Variants in GRID2 observed in about 807,000 individuals in gnomAD.
The protein encoded by GRID2 is glutamate ionotropic receptor delta type subunit 2, also known as glutamate receptor ionotropic, delta-2.
In GRID2, 33 loss-of-function variants were observed where a neutral mutation model predicts 114.8. The ratio of observed to expected loss-of-function variants is 0.29; its 90% CI spans 0.22 to 0.38. The LOEUF (loss-of-function observed/expected upper bound fraction) is 0.38. Among genes scored for constraint, GRID2 ranks in the 10% least tolerant of loss-of-function variants. GRID2 has a pLI of 1.00. For missense variants in GRID2, 1,184 were observed against 1,257.7 expected (o/e 0.94, Z 0.89); for synonymous variants, 505 against 449.9 (o/e 1.12, Z -1.55).
At chr4:92,464,339 A>C (rs1179547955) in intron 1 of GRID2, among the ~76,000 whole-genome samples, 2 of 152,040 alleles carry the variant, frequency 1.3e-5, no homozygotes, top group Admixed American at 1.3e-4. Context: ...CCCCAATTCA[A>C]ATAAAGACTT....
At position 93,588,307 on chromosome 4, in the gene GRID2, G is replaced by A. The variant is rs1737748196; in HGVS notation, c.2194-37962G>A. Among the ~76,000 whole-genome samples, 2 of 151,806 alleles carry A rather than the reference G, an allele frequency of 1.3e-5. 1 individual carries two copies. The highest frequency in any genetic ancestry group is 4.2e-4 in the South Asian group (2 of 4,804). ...TTATAAAACAATCAAAATTTTTTTT[G>A]CAGTTGGAATAATAGGTTTTTTATA... On this transcript the variant is annotated intron_variant, in intron 13 of 15. Transcript: ENST00000282020.
intron 2 of GRID2, among the ~76,000 whole-genome samples, chr4:92,864,964 C>T (rs191883768): frequency 6.6e-6 from 1 of 152,192 alleles, no homozygotes; most frequent in Admixed American, 6.5e-5. Flanking sequence ...TTTTTTTGTT[C>T]TTGCTGTCTT....
chr4:92,735,724 A>T (rs1031315484), intron 2 of GRID2, among the ~76,000 whole-genome samples: 1 of 152,096 alleles, frequency 6.6e-6, no homozygotes, highest in South Asian at 2.1e-4. Flanking sequence ...TTTTATTTGC[A>T]TGAAACTCAC....
intron 2 of GRID2, among the ~76,000 whole-genome samples, chr4:92,721,082 T>A (rs1735788008): frequency 6.6e-6 from 1 of 152,126 alleles, no homozygotes; most frequent in South Asian, 2.1e-4. Context: ...ATGATTCTAC[T>A]ATATGAGACA....
chr4:93,067,968 G>C (rs1243688285), intron 2 of GRID2, among the ~76,000 whole-genome samples: 1 of 151,890 alleles, frequency 6.6e-6, no homozygotes, highest in Non-Finnish European at 1.5e-5. Flanking sequence ...ATGTTGAATA[G>C]CCTAGAATCT....
intron 2 of GRID2, among the ~76,000 whole-genome samples, chr4:93,069,087 C>CG (rs954168647): frequency 6.6e-6 from 1 of 151,770 alleles, no homozygotes; most frequent in African/African-American, 2.4e-5. Flanking sequence ...AGGACAGTAT[C>CG]GGGGGGCTGG....
At chr4:92,900,863 A>C (rs967941905) in intron 2 of GRID2, among the ~76,000 whole-genome samples, 2 of 149,054 alleles carry the variant, frequency 1.3e-5, no homozygotes, top group Non-Finnish European at 3.0e-5. Context: ...AAAAAAGATA[A>C]TGCCTTACAG....
chr4:93,001,607 C>T (rs1019272500), intron 2 of GRID2, among the ~76,000 whole-genome samples: 1 of 151,568 alleles, frequency 6.6e-6, no homozygotes, highest in Non-Finnish European at 1.5e-5. Context: ...GAAAACTATA[C>T]AAAGTATTTA....
intron 8 of GRID2, among the ~76,000 whole-genome samples, chr4:93,312,143 T>C (rs988161841): frequency 6.6e-6 from 1 of 152,110 alleles, no homozygotes; most frequent in Non-Finnish European, 1.5e-5. Context: ...ATTCTTTCAT[T>C]TACTATAATC....
At chr4:93,095,233 A>G (rs1277434059) in intron 3 of GRID2, among the ~76,000 whole-genome samples, 1 of 151,914 alleles carries the variant, frequency 6.6e-6, no homozygotes, top group Non-Finnish European at 1.5e-5. Flanking sequence ...CCATCGACCC[A>G]TCATCTACAT....
At chr4:93,752,452 G>A (rs962082207) in intron 14 of GRID2, among the ~76,000 whole-genome samples, 1 of 151,998 alleles carries the variant, frequency 6.6e-6, no homozygotes, top group Non-Finnish European at 1.5e-5. Context: ...CTCACTGCAA[G>A]CTCCGCCTCC....
intron 2 of GRID2, among the ~76,000 whole-genome samples, chr4:92,759,173 T>TCATTC (rs1222975429): frequency 6.6e-6 from 1 of 152,198 alleles, no homozygotes. Context: ...TCTCAAAATG[T>TCATTC]CATTCCTTCC....
At chr4:92,389,581 G>C (rs1730145114) in intron 1 of GRID2, among the ~76,000 whole-genome samples, 1 of 151,986 alleles carries the variant, frequency 6.6e-6, no homozygotes, top group Non-Finnish European at 1.5e-5. Flanking sequence ...TTTCTAAGTA[G>C]GTGCTACAAT....
chr4:92,799,678 C>G (rs1335303660), intron 2 of GRID2, among the ~76,000 whole-genome samples: 1 of 151,968 alleles, frequency 6.6e-6, no homozygotes, highest in Admixed American at 6.6e-5. Flanking sequence ...TAAACTTAAT[C>G]ACCTCTTTAA....
At chr4:93,304,384 CAGACA>C (rs1755195081) in intron 8 of GRID2, among the ~76,000 whole-genome samples, 1 of 151,378 alleles carries the variant, frequency 6.6e-6, no homozygotes, top group African/African-American at 2.4e-5. Flanking sequence ...ACTAGTCAAA[CAGACA>C]AGACAACACC....
intron 2 of GRID2, among the ~76,000 whole-genome samples, chr4:92,656,124 T>A (rs1732220737): frequency 1.3e-5 from 2 of 151,814 alleles, no homozygotes. Context: ...TACTATTTTT[T>A]ATAATTGCTG....
chr4:93,477,262 A>G (rs1165370272), intron 11 of GRID2, among the ~76,000 whole-genome samples: 1 of 152,136 alleles, frequency 6.6e-6, no homozygotes, highest in Non-Finnish European at 1.5e-5. Flanking sequence ...TAATCTATTC[A>G]TGAGTGTTCT....
In GRID2 at chr4:93,136,596, A is replaced by T. The variant is rs1289670729; in HGVS notation, c.735+25643A>T. Among the ~76,000 whole-genome samples the T allele has an allele frequency of 2.6e-5, 4 of 152,158 alleles. No individual in the cohort carries two copies. The East Asian group carries it at 7.7e-4, about 29-fold the overall frequency. On this transcript the variant is annotated intron_variant, in intron 4 of 15. Transcript: ENST00000282020. ...TAAATACTGACCAGTCTTGTTTATTATCTTACATAAAAATAATTTCAATAA... is the reference window on the plus strand; with the variant it reads ...TAAATACTGACCAGTCTTGTTTATTTTCTTACATAAAAATAATTTCAATAA...
intron 2 of GRID2, among the ~76,000 whole-genome samples, chr4:92,610,605 C>T (rs1729670841): frequency 6.6e-6 from 1 of 151,518 alleles, no homozygotes; most frequent in Admixed American, 6.6e-5. Context: ...TCATTTAGTT[C>T]ATCTTATTAA....
Sources: gnomAD v4.1 joint callset for allele counts (sites outside exome capture counted in the v4.1 genomes callset) on GRCh38, gnomAD v4.1.1 for gene constraint, MANE v1.5 for transcripts, NCBI Gene and HGNC (gene_info 2026-07-23, HGNC 2026-07-21) for gene names.